The following DLGAP3 variants were observed in gnomAD, a reference collection of about 807,000 sequenced individuals.
DLGAP3 encodes the protein disks large-associated protein 3.
In DLGAP3, 17 loss-of-function variants were observed where a neutral mutation model predicts 81.2. That is an observed-to-expected ratio of 0.21 (90% CI 0.14 to 0.31). The LOEUF (loss-of-function observed/expected upper bound fraction) is 0.31, where lower values mean the gene tolerates loss of function less well. Ranked by LOEUF, DLGAP3 falls within the 10% of genes least tolerant of loss-of-function variation. The pLI is 1.00. For missense variants in DLGAP3, 1,124 were observed against 1,388.0 expected (o/e 0.81, Z 3.02); for synonymous variants, 577 against 587.4 (o/e 0.98, Z 0.26).
rs1184548432 is a variant in DLGAP3, at chr1:34,885,948, C to G, written c.1600+124G>C. 3.8e-5 allele frequency: 45 copies of G among 1,189,006 alleles called. 1 individual carries two copies. The South Asian group carries it at 6.5e-4, about 17-fold the overall frequency. The allele number at this position is 1,189,006 out of a possible 1,614,324, so 73.7% of individuals were successfully genotyped here. On this transcript the variant is annotated intron_variant, in intron 6 of 11. Transcript: ENST00000373347. ...CACACACGCCAACGGACGCTCTCCCCGTCATCCGACCCCGGGAGCGAGCGA... is the reference window on the plus strand; with the variant it reads ...CACACACGCCAACGGACGCTCTCCCGGTCATCCGACCCCGGGAGCGAGCGA...
chr1:34,929,390 G>C lies in DLGAP3; in HGVS notation c.-135+61C>G, dbSNP rs545285953. On this transcript the variant is annotated intron_variant, in intron 1 of 11. Coordinates refer to ENST00000373347, the MANE Select transcript of DLGAP3 (RefSeq NM_001080418.3). This position sits in a 1 kb window ranked among gnomAD's most constrained non-coding sequence, Gnocchi z 6.5. ...CCGGGGCCGCAGCCGGGCCGTGCCTGGGGGGCGCTGCAGAGGGAGCCGCGA... is the reference window on the plus strand; with the variant it reads ...CCGGGGCCGCAGCCGGGCCGTGCCTCGGGGGCGCTGCAGAGGGAGCCGCGA... The C allele has an allele frequency of 4.1e-3, 612 of 148,358 alleles. 1 individual carries two copies. Among genetic ancestry groups the C allele is most frequent in the South Asian group, 8.7e-3 (42 of 4,812 alleles). 9.2% of individuals were successfully genotyped at this position (148,358 alleles called of 1,614,324 possible).
chr1:34,896,586 C>G (rs963603590), intron 5 of DLGAP3, among the ~76,000 whole-genome samples: 5 of 22,996 alleles, frequency 2.2e-4, no homozygotes, highest in Admixed American at 6.9e-4. Context: ...CAGACTCCAT[C>G]ACACACACAC....
At position 34,899,753 on chromosome 1, in the gene DLGAP3, C is replaced by T; in HGVS notation, c.1314-12G>A. On this transcript the variant is annotated splice_polypyrimidine_tract_variant and intron_variant, in intron 4 of 11. Coordinates refer to ENST00000373347, the MANE Select transcript of DLGAP3 (RefSeq NM_001080418.3). ...GTGGGACACAGCAGCTGGAAAAGGGCAAAATTCCGGAGTCAGAACAGTGGA... is the reference window on the plus strand; with the variant it reads ...GTGGGACACAGCAGCTGGAAAAGGGTAAAATTCCGGAGTCAGAACAGTGGA... 6.2e-7 allele frequency: 1 copy of T among 1,612,470 alleles called. No individual in the cohort carries two copies. Among genetic ancestry groups the T allele is most frequent in the Non-Finnish European group, 8.5e-7 (1 of 1,178,808 alleles).
chr1:34,898,075 T>C (rs1432855608), intron 5 of DLGAP3, among the ~76,000 whole-genome samples: 1 of 152,166 alleles, frequency 6.6e-6, no homozygotes, highest in Non-Finnish European at 1.5e-5. Context: ...CTACTAAACA[T>C]CCGAATGAGA....
At chr1:34,883,305 A>G (rs1049974467) in intron 8 of DLGAP3, among the ~76,000 whole-genome samples, 4 of 152,264 alleles carry the variant, frequency 2.6e-5, no homozygotes, top group Non-Finnish European at 5.9e-5. Flanking sequence ...TGAATGAATC[A>G]ATCAATCAAT....
chr1:34,868,790 CCAGGGCCGGGGGTGGGGGCGGGGG>C lies in DLGAP3; in HGVS notation c.2276_2299del (p.Ala759_Pro766del), dbSNP rs1638927985. 2 of 1,585,816 alleles carry C rather than the reference CCAGGGCCGGGGGTGGGGGCGGGGG, an allele frequency of 1.3e-6. No homozygotes were observed. The highest frequency in any genetic ancestry group is 8.5e-7 in the Non-Finnish European group (1 of 1,170,108). On this transcript the variant is annotated inframe_deletion, in exon 9 of 12. Coordinates refer to ENST00000373347, the MANE Select transcript of DLGAP3 (RefSeq NM_001080418.3). This position sits in a 1 kb window ranked among gnomAD's most constrained non-coding sequence, Gnocchi z 7.5. ...TATCCAGGAGTCACGGCGGCCGGCC[CCAGGGCCGGGGGTGGGGGCGGGGG>C]CAGGGCCGGGCGACCCATCGGTGGC...
intron 1 of DLGAP3, among the ~76,000 whole-genome samples, chr1:34,912,628 T>C (rs1412149230): frequency 6.6e-6 from 1 of 152,144 alleles, no homozygotes. Context: ...AAGTGAGGCC[T>C]AGAATTCATT....
In DLGAP3 at chr1:34,868,953, C is replaced by T. The variant is rs1225093278; in HGVS notation, c.2137G>A (p.Ala713Thr). 10 of 1,609,760 alleles carry T rather than the reference C, an allele frequency of 6.2e-6. No individual in the cohort carries two copies. Among genetic ancestry groups the T allele is most frequent in the Admixed American group, 1.7e-5 (1 of 59,986 alleles). The change falls in exon 9 of 12, where the codon GCC becomes ACC. Residue 713 changes from alanine (A) to threonine (T), a missense_variant. Ala to Thr is a moderately conservative substitution (Grantham distance 58). Coordinates refer to ENST00000373347, the MANE Select transcript of DLGAP3 (RefSeq NM_001080418.3). This position sits in a 1 kb window ranked among gnomAD's most constrained non-coding sequence, Gnocchi z 7.5. ...CGGGGCCCAGGCTGGGGCTCAGAGG[C>T]GTGCCTCTGGAAGGAGCGTCCAAAC... ...LQFGRSFQRHASEPQPGPRAP... is the reference protein window; with the variant it reads ...LQFGRSFQRHTSEPQPGPRAP...
At chr1:34,874,879 G>A (rs1256496083) in intron 8 of DLGAP3, among the ~76,000 whole-genome samples, 2 of 152,208 alleles carry the variant, frequency 1.3e-5, no homozygotes, top group Non-Finnish European at 2.9e-5. Flanking sequence ...ACTAGGCATA[G>A]CCTTCAAACT....
intron 4 of DLGAP3, 119 bp from the exon 5 acceptor site, chr1:34,899,860 C>T: frequency 9.6e-7 from 1 of 1,041,266 alleles, no homozygotes; most frequent in African/African-American, 1.6e-5. Context: ...AAAGAGAGAT[C>T]CCTTAGGAGA....
At chr1:34,899,866 G>T (rs1275564757) in intron 4 of DLGAP3, 125 bp from the exon 5 acceptor site, 72 of 1,004,956 alleles carry the variant, frequency 7.2e-5, no homozygotes, top group Non-Finnish European at 1.5e-6. Flanking sequence ...AGATCCCTTA[G>T]GAGACCCTGG....
rs2148389163 is a variant in DLGAP3 at position 34,865,777 on chromosome 1, G to T, written c.*306C>A. 2 of 453,474 alleles carry T rather than the reference G, an allele frequency of 4.4e-6. No individual in the cohort carries two copies. The highest frequency in any genetic ancestry group is 7.6e-5 in the Admixed American group (2 of 26,384). 28.1% of individuals were successfully genotyped at this position (453,474 alleles called of 1,614,324 possible). ...GGACCCGGCCCGGCCTGGCCCGTGG[G>T]GGAAAGAATGGCAGAGATGGTGCCC... On this transcript the variant is annotated 3_prime_UTR_variant, in exon 12 of 12. Coordinates refer to ENST00000373347, the MANE Select transcript of DLGAP3 (RefSeq NM_001080418.3).
At chr1:34,911,024 C>CCCCT (rs1639631742) in intron 1 of DLGAP3, among the ~76,000 whole-genome samples, 1 of 65,884 alleles carries the variant, frequency 1.5e-5, no homozygotes, top group Admixed American at 2.0e-4. Context: ...TATTATCCAC[C>CCCCT]CCCCCCCCAC....
At chr1:34,887,082 G>A (rs1181426941) in intron 5 of DLGAP3, among the ~76,000 whole-genome samples, 1 of 149,436 alleles carries the variant, frequency 6.7e-6, no homozygotes, top group Non-Finnish European at 1.5e-5. Flanking sequence ...AGCCTCCCAA[G>A]TAGCTGGGAC....
chr1:34,917,703 A>G (rs1361981376), intron 1 of DLGAP3, among the ~76,000 whole-genome samples: 1 of 152,208 alleles, frequency 6.6e-6, no homozygotes, highest in African/African-American at 2.4e-5. Flanking sequence ...AACCTTAAAT[A>G]CATGTCCACA....
intron 5 of DLGAP3, among the ~76,000 whole-genome samples, chr1:34,897,295 G>A (rs1402275398): frequency 6.6e-6 from 1 of 152,200 alleles, no homozygotes; most frequent in Non-Finnish European, 1.5e-5. Flanking sequence ...GAAAGAGCAG[G>A]AGGAAGAAGA....
intron 5 of DLGAP3, among the ~76,000 whole-genome samples, chr1:34,891,010 A>C (rs1639303052): frequency 6.6e-6 from 1 of 152,250 alleles, no homozygotes; most frequent in South Asian, 2.1e-4. Context: ...AAATAAAATA[A>C]CTTTTAAATG....
At chr1:34,906,777 A>G (rs1639562602) in intron 2 of DLGAP3, among the ~76,000 whole-genome samples, 1 of 151,886 alleles carries the variant, frequency 6.6e-6, no homozygotes. Context: ...TGGAGAAAAA[A>G]CTCTGGAACC....
At chr1:34,905,556 C>T (rs1258686651) in intron 2 of DLGAP3, 122 bp from the exon 3 acceptor site, 1 of 719,738 alleles carries the variant, frequency 1.4e-6, no homozygotes, top group Non-Finnish European at 2.2e-6. Context: ...ATTAATCACA[C>T]TACCCTCCCA....
Sources: gnomAD v4.1 joint callset for allele counts (sites outside exome capture counted in the v4.1 genomes callset) on GRCh38, gnomAD v4.1.1 for gene constraint, Gnocchi (gnomAD v3.1) non-coding constraint, MANE v1.5 for transcripts, NCBI Gene and HGNC (gene_info 2026-07-23, HGNC 2026-07-21) for gene names.